The following SIPA1L1 variants were observed in gnomAD, a reference collection of about 807,000 sequenced individuals.
SIPA1L1 encodes signal induced proliferation associated 1 like 1.
Under a neutral mutation model 162.7 loss-of-function variants are expected in SIPA1L1, and 26 were observed. That is an observed-to-expected ratio of 0.16 (90% CI 0.12 to 0.22). The LOEUF (loss-of-function observed/expected upper bound fraction) is 0.22, where lower values mean the gene tolerates loss of function less well. Among genes scored for constraint, SIPA1L1 ranks in the 10% least tolerant of loss-of-function variants. SIPA1L1 has a pLI of 1.00. For missense variants in SIPA1L1, 1,874 were observed against 2,241.0 expected (o/e 0.84, Z 3.31); for synonymous variants, 829 against 837.4 (o/e 0.99, Z 0.17).
chr14:71,322,310 C>G (rs1292565378), intron 2 of SIPA1L1, among the ~76,000 whole-genome samples: 2 of 152,202 alleles, frequency 1.3e-5, no homozygotes, highest in Admixed American at 1.3e-4. Flanking sequence ...GGCAAAGATT[C>G]TCTGACTGAA....
intron 4 of SIPA1L1, among the ~76,000 whole-genome samples, chr14:71,529,786 G>T (rs1421595589): frequency 6.6e-6 from 1 of 152,196 alleles, no homozygotes; most frequent in Non-Finnish European, 1.5e-5. Flanking sequence ...GTGTTACCTG[G>T]CCAGGGGGAT....
At chr14:71,522,615 T>C (rs1217928201) in intron 3 of SIPA1L1, among the ~76,000 whole-genome samples, 1 of 152,238 alleles carries the variant, frequency 6.6e-6, no homozygotes, top group African/African-American at 2.4e-5. Context: ...ATTTTCCGAT[T>C]TGGAATGCTC....
chr14:71,599,458 T>C (rs998769155), intron 5 of SIPA1L1, among the ~76,000 whole-genome samples: 1 of 129,248 alleles, frequency 7.7e-6, no homozygotes, highest in Non-Finnish European at 1.7e-5. Flanking sequence ...GGCGATTTCA[T>C]TCTTTTTTTT....
At chr14:71,538,348 A>C (rs758920630) in intron 4 of SIPA1L1, among the ~76,000 whole-genome samples, 14 of 151,986 alleles carry the variant, frequency 9.2e-5, no homozygotes, top group Non-Finnish European at 1.6e-4. Flanking sequence ...AAATTCTTTG[A>C]GATTCTTGGA....
intron 2 of SIPA1L1, among the ~76,000 whole-genome samples, chr14:71,345,380 G>C (rs2036053673): frequency 6.6e-6 from 1 of 152,180 alleles, no homozygotes; most frequent in African/African-American, 2.4e-5. Flanking sequence ...TTCAAAGGAT[G>C]TCCTCACCTC....
chr14:71,454,848 G>C (rs528151230), intron 2 of SIPA1L1, among the ~76,000 whole-genome samples: 36 of 152,260 alleles, frequency 2.4e-4, no homozygotes, highest in Non-Finnish European at 3.8e-4. Flanking sequence ...CTGTCTACCC[G>C]GTGTCACTGC....
rs1254439408 is a variant in SIPA1L1, at chr14:71,323,091, ATTTGC to A, written c.-465+1919_-465+1923del. On this transcript the variant is annotated intron_variant, in intron 2 of 23. Coordinates refer to ENST00000381232, the MANE Select transcript of SIPA1L1 (RefSeq NM_001386936.1). ...TACACTAGTATTTTCAGGCTTCTGC[ATTTGC>A]TTTGCTTTTGCTTTGAAGTATGTGT... 2.6e-5 allele frequency among the ~76,000 whole-genome samples: 4 copies of A among 152,100 alleles called. No individual in the cohort carries two copies. The East Asian group carries it at 7.7e-4, about 29-fold the overall frequency.
intron 13 of SIPA1L1, among the ~76,000 whole-genome samples, chr14:71,686,700 G>A (rs764059074): frequency 2.6e-5 from 4 of 152,038 alleles, no homozygotes; most frequent in African/African-American, 7.3e-5. Flanking sequence ...GAGCCACCAC[G>A]CCTGGCCTAG....
chr14:71,551,279 C>T (rs974291689), intron 4 of SIPA1L1, among the ~76,000 whole-genome samples: 1 of 152,152 alleles, frequency 6.6e-6, no homozygotes, highest in Non-Finnish European at 1.5e-5. Context: ...ATCCTTGTTT[C>T]CTGGGACTTT....
At chr14:71,330,876 T>G (rs535289825) in intron 2 of SIPA1L1, 1 of 566,678 alleles carries the variant, frequency 1.8e-6, no homozygotes, top group African/African-American at 1.9e-5. Flanking sequence ...AGGTTGCTTT[T>G]TTGCTCTGCT....
intron 4 of SIPA1L1, among the ~76,000 whole-genome samples, chr14:71,565,415 C>T (rs1191333028): frequency 2.0e-5 from 3 of 152,156 alleles, no homozygotes; most frequent in African/African-American, 7.2e-5. Flanking sequence ...TTTGGTAGGC[C>T]TGCCTAGAGA....
chr14:71,380,094 ACC>A (rs2039767235), intron 2 of SIPA1L1, among the ~76,000 whole-genome samples: 2 of 152,186 alleles, frequency 1.3e-5, no homozygotes, highest in Non-Finnish European at 2.9e-5. Context: ...TAGTTTCTTC[ACC>A]CAGAAATGTA....
At chr14:71,688,423 T>C (rs1332722988) in intron 13 of SIPA1L1, among the ~76,000 whole-genome samples, 1 of 152,236 alleles carries the variant, frequency 6.6e-6, no homozygotes, top group Admixed American at 6.5e-5. Flanking sequence ...TTTGTTTTGC[T>C]ACTGTGACTC....
rs554276591 is a variant in SIPA1L1 at position 71,661,560 on chromosome 14, G to A, written c.2255+93G>A. 1.2e-5 allele frequency: 16 copies of A among 1,312,774 alleles called. No homozygotes were observed. In the African/African-American group the frequency reaches 1.9e-4, roughly 16 times the overall value. 81.3% of individuals were successfully genotyped at this position (1,312,774 alleles called of 1,614,324 possible). A position where few individuals can be genotyped will look rare whatever the true frequency, so the allele number is the denominator to read the frequency against. On this transcript the variant is annotated intron_variant, in intron 10 of 23. Transcript: ENST00000381232. ...GCTCTGCATTCTAAAGTGGCAATGG[G>A]AAGTCTATTACTATTTCTTTTTGTC...
At chr14:71,357,425 A>G (rs1462821084) in intron 2 of SIPA1L1, among the ~76,000 whole-genome samples, 2 of 152,190 alleles carry the variant, frequency 1.3e-5, no homozygotes, top group East Asian at 1.9e-4. Context: ...TTCATAGCCT[A>G]TTCATTTCCC....
At chr14:71,440,034 T>TTTTG (rs558235617) in intron 2 of SIPA1L1, among the ~76,000 whole-genome samples, 182 of 152,238 alleles carry the variant, frequency 1.2e-3, no homozygotes, top group African/African-American at 4.2e-3. Flanking sequence ...TGAACTTATT[T>TTTTG]TTTGTTTGTT....
At chr14:71,524,667 T>A (rs888501011) in intron 3 of SIPA1L1, among the ~76,000 whole-genome samples, 3 of 152,208 alleles carry the variant, frequency 2.0e-5, no homozygotes, top group Admixed American at 6.5e-5. Context: ...AAGGCTGATC[T>A]CAAACTCCTT....
intron 5 of SIPA1L1, among the ~76,000 whole-genome samples, chr14:71,606,352 G>A (rs1567298683): frequency 1.3e-5 from 2 of 152,134 alleles, no homozygotes; most frequent in Non-Finnish European, 2.9e-5. Context: ...CCATGCTTCA[G>A]CCCTGGTGGT....
At position 71,418,866 on chromosome 14, in the gene SIPA1L1, G is replaced by C. The variant is rs191251581; in HGVS notation, c.-464-93877G>C. ...CATGCCACGTTCTGGAGCTTTTGGT[G>C]CTCCTGCGGGGAGGGCTTTATTGTA... is the stretch of plus-strand genomic sequence containing the variant. On this transcript the variant is annotated intron_variant, in intron 2 of 23. Transcript: ENST00000381232. 1.8e-3 allele frequency among the ~76,000 whole-genome samples: 268 copies of C among 152,296 alleles called. 2 individuals carry two copies. Among genetic ancestry groups the C allele is most frequent in the Non-Finnish European group, 2.9e-3 (200 of 68,022 alleles).
Sources: gnomAD v4.1 joint callset for allele counts (sites outside exome capture counted in the v4.1 genomes callset) on GRCh38, gnomAD v4.1.1 for gene constraint, MANE v1.5 for transcripts, NCBI Gene and HGNC (gene_info 2026-07-23, HGNC 2026-07-21) for gene names.